The following IFRD1 variants were observed in gnomAD, a reference collection of about 807,000 sequenced individuals.
IFRD1 encodes interferon-related developmental regulator 1.
A neutral mutation model predicts 52.9 loss-of-function variants in IFRD1; 35 were observed. The ratio of observed to expected loss-of-function variants is 0.66; its 90% CI spans 0.51 to 0.88. IFRD1 has a LOEUF of 0.88. IFRD1 is among the 40% of genes least tolerant of loss of function. The pLI is 0.00. For synonymous variants in IFRD1, 184 were observed against 188.4 expected, an observed-to-expected ratio of 0.98 and a Z score of 0.19; for missense variants, 517 against 550.8, an observed-to-expected ratio of 0.94 and a Z score of 0.61.
rs1008848081 is a variant in IFRD1, at chr7:112,472,459, T to G, written c.1170+112T>G. On this transcript the variant is annotated intron_variant, in intron 10 of 11. Coordinates refer to ENST00000403825, the MANE Select transcript of IFRD1 (RefSeq NM_001550.4). ...AGGTATCCAGAGTGCTTCCACATGT[T>G]AGAAAACAGTAAACTTGTTTTTGAA... is the stretch of plus-strand genomic sequence containing the variant. 3 of 1,150,128 alleles carry G rather than the reference T, an allele frequency of 2.6e-6. No homozygotes were observed. The African/African-American group carries it at 4.6e-5, about 18-fold the overall frequency. 71.2% of individuals were successfully genotyped at this position (1,150,128 alleles called of 1,614,324 possible). A position where few individuals can be genotyped will look rare whatever the true frequency, so the allele number is the denominator to read the frequency against.
In IFRD1 at chr7:112,475,615, A is replaced by G. The variant is rs1795882265; in HGVS notation, c.*96A>G. On this transcript the variant is annotated 3_prime_UTR_variant, in exon 12 of 12. Coordinates refer to ENST00000403825, the MANE Select transcript of IFRD1 (RefSeq NM_001550.4). ...CACAGTTTTTATCCTGGATTAACTT[A>G]GATAACTTTTGTAGCAGTGGTTATA... 1.3e-6 allele frequency: 1 copy of G among 764,870 alleles called. No individual in the cohort carries two copies. 47.4% of individuals were successfully genotyped at this position (764,870 alleles called of 1,614,324 possible).
In IFRD1 at chr7:112,436,207, G is replaced by T. The variant is rs182937016; in HGVS notation, c.-182+12775G>T. Among the ~76,000 whole-genome samples the T allele has an allele frequency of 1.1e-3, 160 of 152,218 alleles. 5 individuals are homozygous for T. The South Asian group carries it at 0.017, about 16-fold the overall frequency. ...GAATATTTTTCTTCTTAAAGGAAAA[G>T]AATTTCAAATAATGTTGACTGATTA... On this transcript the variant is annotated intron_variant, in intron 1 of 12. Transcript: ENST00000005558.
chr7:112,454,857 G>GTTT lies in IFRD1; in HGVS notation c.95-881_95-879dup, dbSNP rs398005875. Among the ~76,000 whole-genome samples the GTTT allele has an allele frequency of 1.1e-4, 9 of 78,796 alleles. 1 individual carries two copies. The highest frequency in any genetic ancestry group is 4.8e-4 in the East Asian group (1 of 2,066). 51.7% of individuals were successfully genotyped at this position (78,796 alleles called of 152,430 possible). A position where few individuals can be genotyped will look rare whatever the true frequency, so the allele number is the denominator to read the frequency against. On this transcript the variant is annotated intron_variant, in intron 1 of 11. Transcript: ENST00000403825. ...AAATAATTATTTCATCTTCATATCA[G>GTTT]TTTTTTTTTTTTTTTTTTTTTTTTT...
At chr7:112,454,857 GTTTTTTTTTTTTTTT>G (rs398005875) in intron 1 of IFRD1, among the ~76,000 whole-genome samples, 1 of 78,810 alleles carries the variant, frequency 1.3e-5, no homozygotes, top group Non-Finnish European at 2.3e-5. Context: ...CTTCATATCA[GTTTTTTTTTTTTTTT>G]TTTTTTTTTT....
At chr7:112,454,198 C>CT (rs879460473) in intron 1 of IFRD1, among the ~76,000 whole-genome samples, 67 of 145,764 alleles carry the variant, frequency 4.6e-4, no homozygotes, top group Middle Eastern at 3.6e-3. Context: ...AGCATTGGTA[C>CT]TTTTTTTTTT....
intron 1 of IFRD1, among the ~76,000 whole-genome samples, chr7:112,432,953 T>G (rs959007511): frequency 1.3e-5 from 2 of 152,236 alleles, no homozygotes; most frequent in Admixed American, 1.3e-4. Context: ...ATTATTTCAC[T>G]TCCTTAATCT....
intron 11 of IFRD1, among the ~76,000 whole-genome samples, chr7:112,473,471 C>T (rs1313023443): frequency 6.6e-6 from 1 of 151,484 alleles, no homozygotes; most frequent in Admixed American, 6.6e-5. Context: ...GTCACTCAGA[C>T]TGGAGTGCAG....
Position 112,454,892 on chromosome 7 carries a change from G to A in IFRD1, c.95-871G>A, listed in dbSNP as rs570393888. Among the ~76,000 whole-genome samples, 66 of 106,506 alleles carry A rather than the reference G, an allele frequency of 6.2e-4. 3 individuals are homozygous for A. In the South Asian group the frequency reaches 0.021, roughly 34 times the overall value. The allele number at this position is 106,506 out of a possible 152,430, so 69.9% of individuals were successfully genotyped here. On this transcript the variant is annotated intron_variant, in intron 1 of 11. Coordinates refer to ENST00000403825, the MANE Select transcript of IFRD1 (RefSeq NM_001550.4). ...TTTTTTTTTTTTTTTTTTGAGACAA[G>A]GTCTTGGTCTGTCGCCCAGGCTGGA...
intron 1 of IFRD1, among the ~76,000 whole-genome samples, chr7:112,442,498 C>A (rs1794915559): frequency 6.6e-6 from 1 of 152,208 alleles, no homozygotes; most frequent in Admixed American, 6.5e-5. Context: ...TGGAGGTTCA[C>A]TGCTGCTAGG....
chr7:112,454,615 T>A (rs1220806582), intron 1 of IFRD1, among the ~76,000 whole-genome samples: 3 of 152,188 alleles, frequency 2.0e-5, no homozygotes, highest in Non-Finnish European at 2.9e-5. Context: ...TTGTCTTCTC[T>A]CACTTCAAGT....
chr7:112,434,432 G>T (rs1563256660), intron 1 of IFRD1, among the ~76,000 whole-genome samples: 2 of 152,150 alleles, frequency 1.3e-5, no homozygotes, highest in Non-Finnish European at 2.9e-5. Context: ...GCTAGCAATG[G>T]CCCTGGATCC....
rs1426447774 is a variant in IFRD1 at position 112,450,722 on chromosome 7, C to G, written c.34C>G (p.Arg12Gly). 2 of 1,612,804 alleles carry G rather than the reference C, an allele frequency of 1.2e-6. No individual in the cohort carries two copies. The highest frequency in any genetic ancestry group is 2.2e-5 in the East Asian group (1 of 44,886). Residue 12 changes from arginine to glycine, a missense_variant, in exon 1 of 12, where the codon CGC becomes GGC. By Grantham distance (125) the Arg-to-Gly change is moderately radical. Coordinates refer to ENST00000403825, the MANE Select transcript of IFRD1 (RefSeq NM_001550.4). ...PKNKKRNTPH[R>G]GSSAGGGGSG... ...GAACAAGAAGCGGAACACTCCCCAC[C>G]GCGGTAGCAGTGCTGGCGGCGGCGG...
At chr7:112,430,255 A>G (rs1794519365) in intron 1 of IFRD1, among the ~76,000 whole-genome samples, 1 of 152,202 alleles carries the variant, frequency 6.6e-6, no homozygotes, top group Non-Finnish European at 1.5e-5. Flanking sequence ...GCTGTTTTCT[A>G]TATCATAATT....
At chr7:112,473,543 G>T (rs1448043442) in intron 11 of IFRD1, among the ~76,000 whole-genome samples, 2 of 151,738 alleles carry the variant, frequency 1.3e-5, no homozygotes, top group African/African-American at 4.8e-5. Context: ...TCCTGCCTCA[G>T]CCTCCTGAAT....
At chr7:112,430,953 A>G (rs1794534360) in intron 1 of IFRD1, among the ~76,000 whole-genome samples, 1 of 152,222 alleles carries the variant, frequency 6.6e-6, no homozygotes, top group Admixed American at 6.5e-5. Flanking sequence ...GAGTGGAAGG[A>G]CCATTCCTTT....
At position 112,438,836 on chromosome 7, in the gene IFRD1, C is replaced by G. The variant is rs1794782625; in HGVS notation, c.-181-11672C>G. On this transcript the variant is annotated intron_variant, in intron 1 of 12. Coordinates refer to the IFRD1 transcript ENST00000005558. ...CCATTACTCACCCATCATGGCAACA[C>G]TTGTTTAGAAGGAAAACTACCATTC... is the stretch of plus-strand genomic sequence containing the variant. 2.0e-5 allele frequency among the ~76,000 whole-genome samples: 3 copies of G among 152,164 alleles called. No individual in the cohort carries two copies. In the South Asian group the frequency reaches 6.2e-4, roughly 32 times the overall value.
chr7:112,456,766 A>T, intron 3 of IFRD1, 148 bp from the exon 4 acceptor site: 1 of 726,390 alleles, frequency 1.4e-6, no homozygotes, highest in Non-Finnish European at 2.3e-6. Context: ...AAATTAAATT[A>T]TATTATTGAC....
intron 4 of IFRD1, among the ~76,000 whole-genome samples, chr7:112,458,638 C>G (rs769235110): frequency 1.5e-4 from 23 of 152,130 alleles, no homozygotes; most frequent in Admixed American, 7.2e-4. Flanking sequence ...AGTAACTAAT[C>G]GATGATCATT....
At chr7:112,453,574 G>GA (rs1465242551) in intron 1 of IFRD1, among the ~76,000 whole-genome samples, 1 of 152,110 alleles carries the variant, frequency 6.6e-6, no homozygotes, top group Non-Finnish European at 1.5e-5. Flanking sequence ...GAAAAACTGT[G>GA]AATTGACTTG....
Sources: allele counts gnomAD v4.1 joint callset (sites outside exome capture counted in the v4.1 genomes callset), GRCh38; gene constraint gnomAD v4.1.1; transcripts MANE v1.5; gene names NCBI Gene and HGNC (gene_info 2026-07-23, HGNC 2026-07-21).